Variants in ERBB4 observed in about 807,000 individuals in gnomAD.
The protein encoded by ERBB4 is receptor tyrosine-protein kinase erbB-4.
ERBB4 carries 42 observed loss-of-function variants against 158.0 expected under a neutral mutation model. The observed-to-expected ratio is 0.27, with a 90% CI of 0.21 to 0.34. The LOEUF is 0.34. Ranked by LOEUF, ERBB4 falls within the 10% of genes least tolerant of loss-of-function variation. The pLI, the probability that ERBB4 is intolerant of heterozygous loss-of-function variation, is 1.00. For missense variants in ERBB4, 1,333 were observed against 1,624.1 expected (o/e 0.82, Z 3.08); for synonymous variants, 583 against 558.7 (o/e 1.04, Z -0.61).
chr2:212,370,742 T>C (rs1330154046), intron 1 of ERBB4, among the ~76,000 whole-genome samples: 1 of 152,188 alleles, frequency 6.6e-6, no homozygotes, highest in South Asian at 2.1e-4. Flanking sequence ...TCTGTTTTTA[T>C]ATAACCCTTA....
rs1430008913 is a variant in ERBB4 at position 211,521,289 on chromosome 2, G to A, written c.2487+40614C>T. Among the ~76,000 whole-genome samples, 4 of 152,192 alleles carry A rather than the reference G, an allele frequency of 2.6e-5. 1 individual carries two copies. The East Asian group carries it at 7.7e-4, about 29-fold the overall frequency. On this transcript the variant is annotated intron_variant, in intron 20 of 27. Transcript: ENST00000342788. ...ACACAAATGATAAGAAAGCAAAACA[G>A]CCTTATTGCTGTTATGAAGATCATT...
intron 22 of ERBB4, among the ~76,000 whole-genome samples, chr2:211,425,978 G>A (rs1364966503): frequency 2.6e-5 from 4 of 152,010 alleles, no homozygotes; most frequent in South Asian, 2.1e-4. Flanking sequence ...GACACCGTGC[G>A]GGGCCTAGAA....
intron 1 of ERBB4, among the ~76,000 whole-genome samples, chr2:212,514,875 G>A (rs1205264423): frequency 6.6e-6 from 1 of 152,042 alleles, no homozygotes; most frequent in Non-Finnish European, 1.5e-5. Context: ...AACAGAACAG[G>A]GAGAAAGCAA....
At chr2:211,905,744 G>GTATGTA (rs2079374347) in intron 3 of ERBB4, among the ~76,000 whole-genome samples, 1 of 119,388 alleles carries the variant, frequency 8.4e-6, no homozygotes, top group Non-Finnish European at 1.8e-5. Context: ...GCATGTGTGT[G>GTATGTA]TATATATATA....
At chr2:211,775,160 C>T (rs1251437046) in intron 4 of ERBB4, among the ~76,000 whole-genome samples, 2 of 152,114 alleles carry the variant, frequency 1.3e-5, no homozygotes, top group Non-Finnish European at 2.9e-5. Flanking sequence ...AAGGTTCTAT[C>T]TTGGACAATG....
chr2:212,011,233 G>A lies in ERBB4; in HGVS notation c.235-63617C>T, dbSNP rs150499598. 6.5e-3 allele frequency among the ~76,000 whole-genome samples: 986 copies of A among 152,240 alleles called. 6 individuals are homozygous for A. The highest frequency in any genetic ancestry group is 0.022 in the African/African-American group (915 of 41,544). ...TATTTGGGAATTGATAAATGTCCAC[G>A]AAATCATCACAATTTATGTCCCTCT... is the stretch of plus-strand genomic sequence containing the variant. On this transcript the variant is annotated intron_variant, in intron 2 of 27. Transcript: ENST00000342788.
At chr2:211,983,907 T>C (rs2081870556) in intron 2 of ERBB4, among the ~76,000 whole-genome samples, 1 of 152,210 alleles carries the variant, frequency 6.6e-6, no homozygotes, top group Admixed American at 6.5e-5. Context: ...GACAGAATAA[T>C]GATCTATTAT....
chr2:212,234,428 T>C (rs1004461028), intron 1 of ERBB4, among the ~76,000 whole-genome samples: 6 of 152,198 alleles, frequency 3.9e-5, no homozygotes, highest in Admixed American at 6.5e-5. Context: ...TTGTGAAAAG[T>C]GCTGCAATAA....
chr2:212,374,896 A>G (rs1574800502), intron 1 of ERBB4, among the ~76,000 whole-genome samples: 1 of 134,752 alleles, frequency 7.4e-6, no homozygotes, highest in Non-Finnish European at 1.6e-5. Flanking sequence ...TATTACTGAG[A>G]AGATTTTTAG....
intron 20 of ERBB4, among the ~76,000 whole-genome samples, chr2:211,458,880 T>G (rs1254498536): frequency 6.6e-6 from 1 of 152,186 alleles, no homozygotes; most frequent in African/African-American, 2.4e-5. Context: ...AGTCATAGTT[T>G]TCTGCAGCTC....
intron 20 of ERBB4, among the ~76,000 whole-genome samples, chr2:211,541,185 C>A (rs1321587221): frequency 3.3e-5 from 5 of 151,858 alleles, no homozygotes; most frequent in Non-Finnish European, 5.9e-5. Flanking sequence ...TCTTGGCGCT[C>A]AAGGGATTTA....
At chr2:211,877,063 T>C (rs982595041) in intron 3 of ERBB4, among the ~76,000 whole-genome samples, 8 of 152,220 alleles carry the variant, frequency 5.3e-5, no homozygotes, top group African/African-American at 1.9e-4. Flanking sequence ...TGCATTAGCC[T>C]TTCTTTAGCT....
chr2:211,876,012 T>C (rs760989455), intron 3 of ERBB4, among the ~76,000 whole-genome samples: 1 of 152,010 alleles, frequency 6.6e-6, no homozygotes, highest in Non-Finnish European at 1.5e-5. Flanking sequence ...AACAACACAT[T>C]CCCCAGAACA....
At position 211,379,778 on chromosome 2, in the gene ERBB4, A is replaced by G. The variant is rs1252112902; in HGVS notation, c.*3837T>C. ...ATTATCAACAATTACAGATGGATGA[A>G]TAATTCCAGTTTTGAAATAAAGGTT... is the stretch of plus-strand genomic sequence containing the variant. On this transcript the variant is annotated 3_prime_UTR_variant, in exon 28 of 28. Transcript: ENST00000342788. 1 of 232,026 alleles carries G rather than the reference A, an allele frequency of 4.3e-6. No individual in the cohort carries two copies. The highest frequency in any genetic ancestry group is 2.2e-5 in the African/African-American group (1 of 45,298). The allele number at this position is 232,026 out of a possible 1,614,324, so 14.4% of individuals were successfully genotyped here. A position where few individuals can be genotyped will look rare whatever the true frequency, so the allele number is the denominator to read the frequency against.
intron 3 of ERBB4, among the ~76,000 whole-genome samples, chr2:211,874,864 C>G (rs1039590858): frequency 2.0e-5 from 3 of 151,902 alleles, no homozygotes; most frequent in Non-Finnish European, 4.4e-5. Flanking sequence ...TCACATTTTT[C>G]CTGCACAAAA....
At chr2:212,333,108 T>C (rs1277349401) in intron 1 of ERBB4, among the ~76,000 whole-genome samples, 1 of 152,044 alleles carries the variant, frequency 6.6e-6, no homozygotes, top group African/African-American at 2.4e-5. Context: ...TGCACACATA[T>C]GCTTAAATTC....
chr2:212,037,780 T>C (rs1036062822), intron 2 of ERBB4, among the ~76,000 whole-genome samples: 5 of 152,322 alleles, frequency 3.3e-5, no homozygotes, highest in South Asian at 2.1e-4. Flanking sequence ...CTAAGGAACG[T>C]TGTAAATCTA....
At chr2:212,382,501 AG>A (rs1178473981) in intron 1 of ERBB4, among the ~76,000 whole-genome samples, 2 of 150,826 alleles carry the variant, frequency 1.3e-5, no homozygotes, top group Non-Finnish European at 3.0e-5. Flanking sequence ...CTATAAGTTC[AG>A]GTTGTTTGTA....
intron 2 of ERBB4, among the ~76,000 whole-genome samples, chr2:212,012,706 C>A (rs529486648): frequency 1.3e-5 from 2 of 152,216 alleles, no homozygotes; most frequent in South Asian, 2.1e-4. Flanking sequence ...AGCCACCATG[C>A]CCAAACTTTT....
Sources: allele counts gnomAD v4.1 joint callset (sites outside exome capture counted in the v4.1 genomes callset), GRCh38; gene constraint gnomAD v4.1.1; transcripts MANE v1.5; gene names NCBI Gene and HGNC (gene_info 2026-07-23, HGNC 2026-07-21).